The following SIX3 variants were observed in gnomAD, a reference collection of about 807,000 sequenced individuals.
SIX3 encodes SIX homeobox 3, also known as homeobox protein SIX3.
SIX3 carries 2 observed loss-of-function variants against 21.7 expected under a neutral mutation model. That is an observed-to-expected ratio of 0.09 (90% CI 0.04 to 0.29). The LOEUF (loss-of-function observed/expected upper bound fraction) is 0.29, where lower values mean the gene tolerates loss of function less well. SIX3 is among the 10% of genes least tolerant of loss of function. The pLI is 1.00. For synonymous variants in SIX3, 243 were observed against 220.6 expected (o/e 1.10, Z -0.90); for missense variants, 347 against 480.7 (o/e 0.72, Z 2.60).
In SIX3 at chr2:44,942,213, G is replaced by C. The variant is rs199823175; in HGVS notation, c.109G>C (p.Gly37Arg). 2.5e-6 allele frequency: 4 copies of C among 1,589,980 alleles called. No individual in the cohort carries two copies. Among genetic ancestry groups the C allele is most frequent in the Non-Finnish European group, 3.4e-6 (4 of 1,174,910 alleles). ...TCTGGCGAGTAGCGGCGGCGGGAACGGTGCGGGAGGCGGCGGCGGCGCGGG... is the reference window on the plus strand; with the variant it reads ...TCTGGCGAGTAGCGGCGGCGGGAACCGTGCGGGAGGCGGCGGCGGCGCGGG... Reference protein sequence around the residue: ...ILLASSGGGNGAGGGGGAGGG... With the variant: ...ILLASSGGGNRAGGGGGAGGG... The change falls in exon 1 of 2, where the codon GGT (glycine) becomes CGT (arginine). Residue 37 changes from glycine (G) to arginine (R), a missense_variant. Physicochemically the swap from Gly to Arg is moderately radical, Grantham distance 125 (BLOSUM62 -2). Transcript: ENST00000260653. This position sits in a 1 kb window ranked among gnomAD's most constrained non-coding sequence, Gnocchi z 8.4.
chr2:44,945,033 C>A lies in SIX3; in HGVS notation c.*273C>A. On this transcript the variant is annotated 3_prime_UTR_variant, in exon 2 of 2. Transcript: ENST00000260653. The stretch of plus-strand genomic sequence containing the variant: ...CTACGGCCACCCCAAAGGACCCCGA[C>A]GCCAACAGACAGTCAAACGCTGATG... 2 of 548,296 alleles carry A rather than the reference C, an allele frequency of 3.6e-6. No homozygotes were observed. The highest frequency in any genetic ancestry group is 4.2e-5 in the South Asian group (2 of 47,196). The allele number at this position is 548,296 out of a possible 1,614,324, so 34.0% of individuals were successfully genotyped here.
chr2:44,942,876 C>A lies in SIX3; in HGVS notation c.772C>A (p.Arg258=). Reference sequence around the variant, plus strand: ...AGTAGGCAACTGGTTTAAGAACCGGCGGCAGCGCGACCGCGCCGCGGCGGC... The same window carrying A: ...AGTAGGCAACTGGTTTAAGAACCGGAGGCAGCGCGACCGCGCCGCGGCGGC... ...TQVGNWFKNR[R]QRDRAAAAKN... The change falls in exon 1 of 2, where the codon CGG becomes AGG. Residue 258 remains arginine (R), a synonymous_variant. Transcript: ENST00000260653. This position sits in a 1 kb window ranked among gnomAD's most constrained non-coding sequence, Gnocchi z 8.4. 2 of 1,598,828 alleles carry A rather than the reference C, an allele frequency of 1.3e-6. 1 individual carries two copies. The highest frequency in any genetic ancestry group is 2.2e-5 in the South Asian group (2 of 91,072).
At chr2:44,944,411 C>T (rs980525295) in intron 1 of SIX3, among the ~76,000 whole-genome samples, 157 bp from the exon 2 acceptor site, 154 of 152,220 alleles carry the variant, frequency 1.0e-3, no homozygotes, top group African/African-American at 3.1e-3. Context: ...CCAGGCCTCC[C>T]CAAGCGGCCG....
chr2:44,944,903 A>C lies in SIX3; in HGVS notation c.*143A>C. On this transcript the variant is annotated 3_prime_UTR_variant, in exon 2 of 2. Coordinates refer to ENST00000260653, the MANE Select transcript of SIX3 (RefSeq NM_005413.4). ...GAAATCAGGATACCCAACCATACAC[A>C]CATACAAGTCCACACACACTCCCAC... is the stretch of plus-strand genomic sequence containing the variant. 1 of 754,498 alleles carries C rather than the reference A, an allele frequency of 1.3e-6. No individual in the cohort carries two copies. The highest frequency in any genetic ancestry group is 2.3e-6 in the Non-Finnish European group (1 of 438,196). 46.7% of individuals were successfully genotyped at this position (754,498 alleles called of 1,614,324 possible).
chr2:44,943,053 G>C lies in SIX3; in HGVS notation c.806+143G>C, dbSNP rs62131235. 35,517 of 1,380,312 alleles carry C rather than the reference G, an allele frequency of 0.026. 1,058 individuals carry two copies. The highest frequency in any genetic ancestry group is 0.12 in the African/African-American group (8,162 of 68,636). The allele number at this position is 1,380,312 out of a possible 1,614,324, so 85.5% of individuals were successfully genotyped here. Reference sequence around the variant, plus strand: ...GTCGGAGAAAGTTTCCGCTTGTCCGGGACGCGCGGAAGAGGGGGCCGGGCT... The same window carrying C: ...GTCGGAGAAAGTTTCCGCTTGTCCGCGACGCGCGGAAGAGGGGGCCGGGCT... On this transcript the variant is annotated intron_variant, in intron 1 of 1. Coordinates refer to ENST00000260653, the MANE Select transcript of SIX3 (RefSeq NM_005413.4).
At position 44,945,078 on chromosome 2, in the gene SIX3, A is replaced by C. The variant is rs1666664293; in HGVS notation, c.*318A>C. 36 of 425,470 alleles carry C rather than the reference A, an allele frequency of 8.5e-5. No homozygotes were observed. Among genetic ancestry groups the C allele is most frequent in the East Asian group, 1.4e-4 (3 of 21,166 alleles). The allele number at this position is 425,470 out of a possible 1,614,324, so 26.4% of individuals were successfully genotyped here. A position where few individuals can be genotyped will look rare whatever the true frequency, so the allele number is the denominator to read the frequency against. On this transcript the variant is annotated 3_prime_UTR_variant, in exon 2 of 2. Coordinates refer to ENST00000260653, the MANE Select transcript of SIX3 (RefSeq NM_005413.4). Reference sequence around the variant, plus strand: ...CTGATGTTGCGGGCAGAAAACATAAAAGAGGTGACAATTGTATACTTTCTA... The same window carrying C: ...CTGATGTTGCGGGCAGAAAACATAACAGAGGTGACAATTGTATACTTTCTA...
chr2:44,942,945 C>T lies in SIX3; in HGVS notation c.806+35C>T, dbSNP rs1461814943. 3.2e-6 allele frequency: 5 copies of T among 1,585,858 alleles called. No homozygotes were observed. The African/African-American group carries it at 4.0e-5, about 13-fold the overall frequency. ...GGGGCCCGCGGCCTGGCTACAGCCT[C>T]AGAGGCCTGGGAAGGGGAGAGGGGT... is the stretch of plus-strand genomic sequence containing the variant. On this transcript the variant is annotated intron_variant, in intron 1 of 1. Transcript: ENST00000260653. This position sits in a 1 kb window ranked among gnomAD's most constrained non-coding sequence, Gnocchi z 8.4.
intron 1 of SIX3, among the ~76,000 whole-genome samples, chr2:44,943,157 C>G (rs1227807150): frequency 6.6e-6 from 1 of 152,206 alleles, no homozygotes; most frequent in African/African-American, 2.4e-5. Flanking sequence ...CCCGAGTACC[C>G]GCAGCCCCTG....
At chr2:44,943,145 G>A (rs1031893246) in intron 1 of SIX3, among the ~76,000 whole-genome samples, 1 of 152,194 alleles carries the variant, frequency 6.6e-6, no homozygotes, top group African/African-American at 2.4e-5. Flanking sequence ...GTGTGCTTGC[G>A]ACCCGAGTAC....
intron 1 of SIX3, among the ~76,000 whole-genome samples, chr2:44,943,173 C>A (rs1215457404): frequency 6.6e-6 from 1 of 152,236 alleles, no homozygotes; most frequent in Non-Finnish European, 1.5e-5. Flanking sequence ...CCCTGGGAGA[C>A]TTAGCCCTGC....
chr2:44,944,669 C>T lies in SIX3; in HGVS notation c.908C>T (p.Pro303Leu), dbSNP rs1391438380. 6.3e-7 allele frequency: 1 copy of T among 1,581,500 alleles called. No individual in the cohort carries two copies. The change falls in exon 2 of 2, where the codon CCG becomes CTG. Residue 303 changes from proline (P) to leucine (L), a missense_variant. By Grantham distance (98) the Pro-to-Leu change is moderately conservative. Transcript: ENST00000260653. Reference protein sequence around the residue: ...SAESPSTAASPTTSVSSLTER... With the variant: ...SAESPSTAASLTTSVSSLTER... ...GAGTCGCCGTCCACGGCGGCCAGCC[C>T]GACCACCAGCGTGTCCAGCCTGACG...
Position 44,942,121 on chromosome 2 carries a change from C to T in SIX3, c.17C>T (p.Pro6Leu), listed in dbSNP as rs528794855. The T allele has an allele frequency of 6.9e-6, 11 of 1,595,788 alleles. No homozygotes were observed. Among genetic ancestry groups the T allele is most frequent in the East Asian group, 4.5e-5 (2 of 44,662 alleles). Residue 6 changes from proline to leucine, a missense_variant, in exon 1 of 2, where the codon CCC (proline) becomes CTC (leucine). Physicochemically the swap from Pro to Leu is moderately conservative, Grantham distance 98. This residue lies in a region of SIX3 where 105 missense variants were observed against 116.1 expected (regional missense o/e 0.90). Coordinates refer to ENST00000260653, the MANE Select transcript of SIX3 (RefSeq NM_005413.4). This position sits in a 1 kb window ranked among gnomAD's most constrained non-coding sequence, Gnocchi z 8.4. Reference sequence around the variant, plus strand: ...GGTCAGTCCATGGTATTCCGCTCCCCCCTAGACCTCTATTCCTCCCACTTC... The same window carrying T: ...GGTCAGTCCATGGTATTCCGCTCCCTCCTAGACCTCTATTCCTCCCACTTC... MVFRS[P>L]LDLYSSHFLL...
chr2:44,941,832 G>A lies in SIX3; in HGVS notation c.-273G>A, dbSNP rs1666576008. 1 of 384,656 alleles carries A rather than the reference G, an allele frequency of 2.6e-6. No individual in the cohort carries two copies. The highest frequency in any genetic ancestry group is 4.9e-6 in the Non-Finnish European group (1 of 205,332). 23.8% of individuals were successfully genotyped at this position (384,656 alleles called of 1,614,324 possible). ...TCTCTCCCTCTCCCTCTCCCTCTCT[G>A]TCTCGGGTTCTCTCTCTGCGCGCGC... On this transcript the variant is annotated 5_prime_UTR_variant, in exon 1 of 2. Coordinates refer to ENST00000260653, the MANE Select transcript of SIX3 (RefSeq NM_005413.4).
rs760535753 is a variant in SIX3 at position 44,942,272 on chromosome 2, C to T, written c.168C>T (p.Gly56=). The change falls in exon 1 of 2, where the codon GGC becomes GGT. Residue 56 remains glycine (G), a synonymous_variant. Coordinates refer to ENST00000260653, the MANE Select transcript of SIX3 (RefSeq NM_005413.4). The surrounding 1 kb of genome is among the most constrained non-coding windows in gnomAD (Gnocchi z 8.4). ...GCGGCGGCGGGAACGGTGCGGGAGGCGGCGGTGCTGGCGGAGCAGGCGGCG... is the reference window on the plus strand; with the variant it reads ...GCGGCGGCGGGAACGGTGCGGGAGGTGGCGGTGCTGGCGGAGCAGGCGGCG... The part of the protein sequence containing the change: ...GGSGGGNGAG[G]GGAGGAGGGG... 4.5e-6 allele frequency: 7 copies of T among 1,539,556 alleles called. No homozygotes were observed. In the African/African-American group the frequency reaches 6.8e-5, roughly 15 times the overall value.
At chr2:44,944,296 C>T (rs1666645672) in intron 1 of SIX3, among the ~76,000 whole-genome samples, 1 of 152,196 alleles carries the variant, frequency 6.6e-6, no homozygotes, top group South Asian at 2.1e-4. Context: ...GGTCGCGGGG[C>T]AGCCGGCTCA....
At chr2:44,944,347 G>C (rs1214401024) in intron 1 of SIX3, among the ~76,000 whole-genome samples, 1 of 152,194 alleles carries the variant, frequency 6.6e-6, no homozygotes, top group Non-Finnish European at 1.5e-5. Flanking sequence ...AGAAGCGCCC[G>C]GCTCCTCTCC....
intron 1 of SIX3, among the ~76,000 whole-genome samples, chr2:44,943,982 C>T (rs1455352997): frequency 1.3e-5 from 2 of 152,206 alleles, no homozygotes; most frequent in Admixed American, 6.5e-5. Flanking sequence ...CCAAGGCCTC[C>T]TTGTGGAGAG....
In SIX3 at chr2:44,941,828, C is replaced by G. The variant is rs1450729586; in HGVS notation, c.-277C>G. On this transcript the variant is annotated 5_prime_UTR_variant, in exon 1 of 2. Transcript: ENST00000260653. The stretch of plus-strand genomic sequence containing the variant: ...CTCCTCTCTCCCTCTCCCTCTCCCT[C>G]TCTGTCTCGGGTTCTCTCTCTGCGC... 7.8e-6 allele frequency: 3 copies of G among 384,556 alleles called. No homozygotes were observed. Among genetic ancestry groups the G allele is most frequent in the South Asian group, 2.9e-5 (1 of 34,060 alleles). The allele number at this position is 384,556 out of a possible 1,614,324, so 23.8% of individuals were successfully genotyped here.
chr2:44,944,213 G>C (rs1415667710), intron 1 of SIX3, among the ~76,000 whole-genome samples: 1 of 152,238 alleles, frequency 6.6e-6, no homozygotes, highest in Non-Finnish European at 1.5e-5. Context: ...GAGACTGGCC[G>C]GGCGGTGGGG....
Sources: allele counts gnomAD v4.1 joint callset (sites outside exome capture counted in the v4.1 genomes callset), GRCh38; gene constraint gnomAD v4.1.1; regional missense constraint gnomAD v4.1.1; non-coding constraint Gnocchi (gnomAD v3.1); transcripts MANE v1.5; gene names NCBI Gene and HGNC (gene_info 2026-07-23, HGNC 2026-07-21).